Variants in ABCC4 observed in about 807,000 individuals in gnomAD.
ABCC4 encodes ATP-binding cassette sub-family C member 4.
A neutral mutation model predicts 168.5 loss-of-function variants in ABCC4; 102 were observed. The observed-to-expected ratio is 0.61, with a 90% CI of 0.52 to 0.71. The LOEUF (loss-of-function observed/expected upper bound fraction) is 0.71, where lower values mean the gene tolerates loss of function less well. Ranked by LOEUF, ABCC4 falls within the 30% of genes least tolerant of loss-of-function variation. ABCC4 has a pLI of 0.00. For missense variants in ABCC4, 1,402 were observed against 1,605.8 expected (o/e 0.87, Z 2.17); for synonymous variants, 617 against 590.7 (o/e 1.04, Z -0.65).
chr13:95,215,131 T>C (rs572591774), intron 4 of ABCC4, among the ~76,000 whole-genome samples: 15 of 152,156 alleles, frequency 9.9e-5, no homozygotes, highest in African/African-American at 2.4e-4. Context: ...TGAGTAAATA[T>C]AAGGACAGGC....
chr13:95,063,861 A>C (rs1476853883), intron 25 of ABCC4, among the ~76,000 whole-genome samples: 3 of 152,222 alleles, frequency 2.0e-5, no homozygotes, highest in Non-Finnish European at 4.4e-5. Flanking sequence ...CACAACTGCA[A>C]ATTTCCTGGT....
rs1352201767 is a variant in ABCC4 at position 95,273,551 on chromosome 13, A to G, written c.75-25798T>C. Among the ~76,000 whole-genome samples the G allele has an allele frequency of 2.0e-5, 3 of 152,304 alleles. 1 individual carries two copies. The highest frequency in any genetic ancestry group is 7.2e-5 in the African/African-American group (3 of 41,562). On this transcript the variant is annotated intron_variant, in intron 1 of 30. Coordinates refer to ENST00000645237, the MANE Select transcript of ABCC4 (RefSeq NM_005845.5). ...GGCCAGGTGCATTGCCTTCTGTTCC[A>G]TGGGGACTATTTGTCCTAAGACTTT...
rs147726394 is a variant in ABCC4, at chr13:95,258,758, C to A, written c.75-11005G>T. On this transcript the variant is annotated intron_variant, in intron 1 of 30. Transcript: ENST00000645237. ...CTGGGGCCCAGCAACCCTCTTTAAGCGCCTGCAGGAGAAGGGGAATGTGCA... is the reference window on the plus strand; with the variant it reads ...CTGGGGCCCAGCAACCCTCTTTAAGAGCCTGCAGGAGAAGGGGAATGTGCA... Among the ~76,000 whole-genome samples, 277 of 152,132 alleles carry A rather than the reference C, an allele frequency of 1.8e-3. 1 individual carries two copies. The highest frequency in any genetic ancestry group is 2.9e-3 in the Non-Finnish European group (200 of 67,984).
chr13:95,276,981 T>C (rs1342060211), intron 1 of ABCC4, among the ~76,000 whole-genome samples: 1 of 152,124 alleles, frequency 6.6e-6, no homozygotes, highest in Non-Finnish European at 1.5e-5. Flanking sequence ...GTCGCACCAC[T>C]GCACTCCAGA....
At chr13:95,046,381 T>A (rs1458538642) in intron 27 of ABCC4, among the ~76,000 whole-genome samples, 2 of 152,136 alleles carry the variant, frequency 1.3e-5, no homozygotes, top group Non-Finnish European at 2.9e-5. Flanking sequence ...AATAGGGTTG[T>A]GAGGTGAAGA....
chr13:95,068,342 G>T (rs1287605801), intron 25 of ABCC4, among the ~76,000 whole-genome samples: 1 of 152,178 alleles, frequency 6.6e-6, no homozygotes, highest in Non-Finnish European at 1.5e-5. Context: ...AAAGCCAAGT[G>T]GGGCTCAGCG....
At chr13:95,245,813 G>A (rs1048325849) in intron 3 of ABCC4, among the ~76,000 whole-genome samples, 2 of 151,660 alleles carry the variant, frequency 1.3e-5, no homozygotes, top group African/African-American at 2.4e-5. Context: ...ACTGCCCACC[G>A]TGCCCTCCAC....
At chr13:95,117,927 G>A (rs1014673985) in intron 19 of ABCC4, among the ~76,000 whole-genome samples, 7 of 151,646 alleles carry the variant, frequency 4.6e-5, no homozygotes, top group South Asian at 2.1e-4. Flanking sequence ...AAAAAGAAAA[G>A]AAGAAAAAAA....
chr13:95,062,123 C>T (rs74105410), intron 26 of ABCC4, among the ~76,000 whole-genome samples: 3,060 of 152,220 alleles, frequency 0.02, 89 homozygotes, highest in African/African-American at 0.068. Context: ...GAAGATGAAG[C>T]AGAAGTGCAG....
chr13:95,061,590 G>A (rs920290000), intron 26 of ABCC4, among the ~76,000 whole-genome samples: 227 of 95,008 alleles, frequency 2.4e-3, no homozygotes, highest in Non-Finnish European at 2.3e-3. Context: ...TCCAGAATAT[G>A]TGTTTGTGTG....
chr13:95,262,697 A>C (rs61972742), intron 1 of ABCC4, among the ~76,000 whole-genome samples: 6,918 of 149,036 alleles, frequency 0.046, 228 homozygotes, highest in Non-Finnish European at 0.067. Flanking sequence ...CTGTGGTGCG[A>C]TCTCGGCTCA....
chr13:95,264,341 G>A (rs556082802), intron 1 of ABCC4, among the ~76,000 whole-genome samples: 1 of 152,188 alleles, frequency 6.6e-6, no homozygotes, highest in South Asian at 2.1e-4. Context: ...AGTTTCATGA[G>A]AAGCAAGATA....
At chr13:95,221,699 A>C (rs562426221) in intron 4 of ABCC4, among the ~76,000 whole-genome samples, 2 of 152,256 alleles carry the variant, frequency 1.3e-5, no homozygotes, top group African/African-American at 4.8e-5. Flanking sequence ...GGGCAGGGCA[A>C]TGAAAAAATG....
chr13:95,186,051 C>T (rs565967082), intron 11 of ABCC4, among the ~76,000 whole-genome samples: 1 of 151,864 alleles, frequency 6.6e-6, no homozygotes, highest in Admixed American at 6.6e-5. Flanking sequence ...GCCAAGTGCA[C>T]GGTGCAGACA....
chr13:95,187,667 C>T (rs1488354281), intron 10 of ABCC4, among the ~76,000 whole-genome samples: 1 of 152,106 alleles, frequency 6.6e-6, no homozygotes, highest in Non-Finnish European at 1.5e-5. Context: ...ATAATAAATC[C>T]TGTGCACTAG....
intron 1 of ABCC4, among the ~76,000 whole-genome samples, chr13:95,270,250 G>C (rs2040811378): frequency 6.7e-6 from 1 of 150,370 alleles, no homozygotes; most frequent in Non-Finnish European, 1.5e-5. Context: ...AATCAACAAT[G>C]ACTGTGGGAA....
chr13:95,273,243 C>G (rs532329407), intron 1 of ABCC4, among the ~76,000 whole-genome samples: 81 of 152,314 alleles, frequency 5.3e-4, no homozygotes, highest in African/African-American at 1.9e-3. Flanking sequence ...GGGGCATTTT[C>G]TTTTCCTGAC....
intron 1 of ABCC4, among the ~76,000 whole-genome samples, chr13:95,268,734 T>C (rs920220157): frequency 6.6e-6 from 1 of 151,892 alleles, no homozygotes; most frequent in East Asian, 1.9e-4. Context: ...TTTGTTCACA[T>C]GTTTTCCTGC....
chr13:95,233,115 T>C (rs1266725534), intron 4 of ABCC4, among the ~76,000 whole-genome samples: 1 of 152,170 alleles, frequency 6.6e-6, no homozygotes, highest in Admixed American at 6.5e-5. Flanking sequence ...TAGTACCTAA[T>C]ACAATGTATA....
Sources: allele counts gnomAD v4.1 joint callset (sites outside exome capture counted in the v4.1 genomes callset), GRCh38; gene constraint gnomAD v4.1.1; transcripts MANE v1.5; gene names NCBI Gene and HGNC (gene_info 2026-07-23, HGNC 2026-07-21).